LEMD1: variants seen among roughly 807,000 people sequenced by gnomAD.
LEMD1 encodes LEM domain-containing protein 1.
LEMD1 carries 18 observed loss-of-function variants against 17.4 expected under a neutral mutation model. The ratio of observed to expected loss-of-function variants is 1.04; its 90% CI spans 0.72 to 1.54. The LOEUF is 1.54. LEMD1 is among the 40% of genes most tolerant of loss of function. The pLI is 0.00. For synonymous variants in LEMD1, 88 were observed against 77.8 expected (o/e 1.13, Z -0.69); for missense variants, 195 against 210.4 (o/e 0.93, Z 0.45).
At chr1:205,403,055 T>C (rs1199362104) in intron 4 of LEMD1, among the ~76,000 whole-genome samples, 1 of 151,956 alleles carries the variant, frequency 6.6e-6, no homozygotes, top group Non-Finnish European at 1.5e-5. Context: ...TGAAGCCCAC[T>C]TGATCATGGT....
Position 205,419,276 on chromosome 1 carries a change from A to G in LEMD1, c.159T>C (p.Asn53=), listed in dbSNP as rs779694876. The G allele has an allele frequency of 6.2e-7, 1 of 1,614,222 alleles. No homozygotes were observed. ...VSPPCAPPVM[N]GPRELDGAQD... Reference sequence around the variant, plus strand: ...GCGCTCCATCCAGCTCTCTGGGTCCATTCATCACAGGTGGTGCACAGGGAG... The same window carrying G: ...GCGCTCCATCCAGCTCTCTGGGTCCGTTCATCACAGGTGGTGCACAGGGAG... Residue 53 remains asparagine (N), a synonymous_variant, in exon 3 of 6, where the codon AAT becomes AAC. Coordinates refer to ENST00000367153, the MANE Select transcript of LEMD1 (RefSeq NM_001199050.2).
In LEMD1 at chr1:205,420,502, A is replaced by T; in HGVS notation, c.35T>A (p.Leu12Ter). The T allele has an allele frequency of 6.2e-7, 1 of 1,614,136 alleles. No individual in the cohort carries two copies. The highest frequency in any genetic ancestry group is 8.5e-7 in the Non-Finnish European group (1 of 1,180,010). The part of the protein sequence containing the change: ...VDVKCLSDCK[L>*]QNQLEKLGFS... The stretch of plus-strand genomic sequence containing the variant: ...TCCAAGCTTCTCAAGTTGGTTCTGC[A>T]ATTTACAGTCACTCAGACACTTCAC... Residue 12 changes from leucine (L) to a stop codon, truncating the protein, a stop_gained, in exon 2 of 6, where the codon TTG (leucine) becomes TAG (stop). Coordinates refer to ENST00000367153, the MANE Select transcript of LEMD1 (RefSeq NM_001199050.2). LOFTEE classifies it high-confidence loss of function.
intron 1 of LEMD1, among the ~76,000 whole-genome samples, chr1:205,434,348 A>T (rs372715814): frequency 0.012 from 1,647 of 143,148 alleles, 24 homozygotes; most frequent in African/African-American, 0.036. Flanking sequence ...AGTAAAAAAA[A>T]ATATATATAT....
chr1:205,449,915 T>G (rs1666466469), exon 1 of LEMD1: 1 of 152,454 alleles, frequency 6.6e-6, no homozygotes, highest in Admixed American at 6.5e-5. Flanking sequence ...CGCCTCACAA[T>G]TCCCCGCAGA....
intron 4 of LEMD1, among the ~76,000 whole-genome samples, chr1:205,404,724 G>T (rs1313468437): frequency 6.6e-6 from 1 of 151,730 alleles, no homozygotes; most frequent in Non-Finnish European, 1.5e-5. Context: ...ATTGTTATGT[G>T]TGAATTTGAT....
At chr1:205,417,707 G>C (rs189266147) in intron 3 of LEMD1, among the ~76,000 whole-genome samples, 1 of 152,140 alleles carries the variant, frequency 6.6e-6, no homozygotes, top group Admixed American at 6.5e-5. Flanking sequence ...AAAGCTTTCA[G>C]TATCTGTGCC....
upstream of LEMD1, among the ~76,000 whole-genome samples, chr1:205,422,240 A>G (rs982245174): frequency 7.2e-5 from 11 of 152,190 alleles, no homozygotes; most frequent in Non-Finnish European, 1.5e-4. Context: ...CCATGATACA[A>G]TGTCAAGAGA....
At chr1:205,442,123 AG>A (rs1391882077) in intron 1 of LEMD1, among the ~76,000 whole-genome samples, 2 of 152,212 alleles carry the variant, frequency 1.3e-5, no homozygotes, top group African/African-American at 4.8e-5. Flanking sequence ...GGAGAAGCTG[AG>A]AACAAAGGAA....
intron 1 of LEMD1, among the ~76,000 whole-genome samples, chr1:205,445,146 A>G (rs1481048072): frequency 1.3e-5 from 2 of 152,112 alleles, no homozygotes; most frequent in African/African-American, 4.8e-5. Flanking sequence ...AGAAAGAATT[A>G]AAAACGAAGG....
intron 4 of LEMD1, among the ~76,000 whole-genome samples, chr1:205,404,030 C>T (rs1317695168): frequency 6.6e-6 from 1 of 152,106 alleles, no homozygotes; most frequent in African/African-American, 2.4e-5. Flanking sequence ...GTTTCTTAAT[C>T]CTGAGTTCTA....
chr1:205,396,350 T>C (rs1368109507), intron 4 of LEMD1, among the ~76,000 whole-genome samples: 6 of 152,136 alleles, frequency 3.9e-5, no homozygotes, highest in Non-Finnish European at 7.3e-5. Flanking sequence ...AAGCAAAAAA[T>C]GGTGCAACCA....
chr1:205,392,778 G>T (rs1664403040), intron 4 of LEMD1, among the ~76,000 whole-genome samples: 1 of 152,042 alleles, frequency 6.6e-6, no homozygotes, highest in Admixed American at 6.6e-5. Flanking sequence ...GAATGAGGTG[G>T]GGCTAAAAAA....
At chr1:205,400,132 T>A (rs1664770415) in intron 4 of LEMD1, among the ~76,000 whole-genome samples, 1 of 152,142 alleles carries the variant, frequency 6.6e-6, no homozygotes, top group South Asian at 2.1e-4. Context: ...AAAGGTGCAA[T>A]CTCACTGCAG....
chr1:205,392,047 G>A, intron 4 of LEMD1, among the ~76,000 whole-genome samples: 1 of 151,838 alleles, frequency 6.6e-6, no homozygotes, highest in East Asian at 1.9e-4. Context: ...GGAGGCGGAG[G>A]TTTAAATGAG....
chr1:205,435,468 T>C (rs1205225434), intron 1 of LEMD1: 2 of 152,208 alleles, frequency 1.3e-5, no homozygotes, highest in Non-Finnish European at 1.5e-5. Context: ...GGAGAATATA[T>C]GCTATTTTGC....
intron 4 of LEMD1, among the ~76,000 whole-genome samples, chr1:205,401,815 C>G (rs1389200550): frequency 6.6e-6 from 1 of 152,078 alleles, no homozygotes; most frequent in Non-Finnish European, 1.5e-5. Context: ...AGGTTTTCTT[C>G]TAGGGTTTTT....
chr1:205,410,823 T>C (rs4951216), intron 4 of LEMD1, among the ~76,000 whole-genome samples: 143,262 of 151,498 alleles, frequency 0.95, 67,784 homozygotes, highest in East Asian at 1. Context: ...ATTATGATGA[T>C]GCCACTGCAC....
At chr1:205,435,709 A>G (rs1216916404) in intron 1 of LEMD1, 1 of 152,354 alleles carries the variant, frequency 6.6e-6, no homozygotes, top group East Asian at 1.9e-4. Flanking sequence ...CTGCAGTGTC[A>G]TACCTGTGTA....
intron 3 of LEMD1, 143 bp downstream of exon 3, chr1:205,419,087 T>C: frequency 1.1e-6 from 1 of 909,410 alleles, no homozygotes; most frequent in South Asian, 2.2e-5. Flanking sequence ...CCCAGGGGCC[T>C]ATTTTCCAGG....
Sources: allele counts gnomAD v4.1 joint callset (sites outside exome capture counted in the v4.1 genomes callset), GRCh38; gene constraint gnomAD v4.1.1; transcripts MANE v1.5; gene names NCBI Gene and HGNC (gene_info 2026-07-23, HGNC 2026-07-21).